ANGPT1: variants seen among roughly 807,000 people sequenced by gnomAD.
The protein encoded by ANGPT1 is angiopoietin-1.
In ANGPT1, 17 loss-of-function variants were observed where a neutral mutation model predicts 62.2. That is an observed-to-expected ratio of 0.27 (90% CI 0.19 to 0.41). The LOEUF is 0.41. Among genes scored for constraint, ANGPT1 ranks in the 10% least tolerant of loss-of-function variants. The pLI, the probability that ANGPT1 is intolerant of heterozygous loss-of-function variation, is 1.00. For synonymous variants in ANGPT1, 199 were observed against 198.9 expected (o/e 1.00, Z 0.00); for missense variants, 478 against 594.9 (o/e 0.80, Z 2.04).
intron 1 of ANGPT1, among the ~76,000 whole-genome samples, chr8:107,486,870 TCAA>T (rs1380748079): frequency 1.3e-5 from 2 of 152,336 alleles, no homozygotes; most frequent in East Asian, 3.9e-4. Flanking sequence ...TTTAGGCTTC[TCAA>T]CAACAGGGGT....
intron 4 of ANGPT1, among the ~76,000 whole-genome samples, chr8:107,310,951 ATGTATGTGTGTG>A (rs981396852): frequency 6.2e-5 from 6 of 96,746 alleles, no homozygotes; most frequent in African/African-American, 1.9e-4. Context: ...GTGTGTGTGT[ATGTATGTGTGTG>A]TGTATGAGTG....
chr8:107,477,761 T>A (rs1812569163), intron 1 of ANGPT1, among the ~76,000 whole-genome samples: 1 of 152,152 alleles, frequency 6.6e-6, no homozygotes, highest in South Asian at 2.1e-4. Context: ...TCTGTTCATC[T>A]CAAACAAAAT....
chr8:107,469,754 A>C lies in ANGPT1; in HGVS notation c.297+27508T>G, dbSNP rs58612484. Among the ~76,000 whole-genome samples, 1,104 of 152,166 alleles carry C rather than the reference A, an allele frequency of 7.3e-3. 20 individuals are homozygous for C. Among genetic ancestry groups the C allele is most frequent in the African/African-American group, 0.025 (1,054 of 41,552 alleles). On this transcript the variant is annotated intron_variant, in intron 1 of 8. Transcript: ENST00000517746. ...TTATGCAATTTTATCACTGCAATAC[A>C]TGCTTTTTTTGTAAAGTTAAGCTAG...
intron 1 of ANGPT1, 57 bp from the exon 2 acceptor site, chr8:107,347,154 G>A: frequency 6.6e-7 from 1 of 1,523,064 alleles, no homozygotes; most frequent in Non-Finnish European, 8.9e-7. Flanking sequence ...CCCAGTTCGG[G>A]CATGTAATAT....
rs141456622 is a variant in ANGPT1, at chr8:107,352,477, G to T, written c.298-5380C>A. 1.3e-4 allele frequency among the ~76,000 whole-genome samples: 20 copies of T among 152,284 alleles called. 1 individual carries two copies. The highest frequency in any genetic ancestry group is 2.5e-4 in the Non-Finnish European group (17 of 68,022). ...CTGATGCTATCATTCTCCATCATGA[G>T]AGAGAATTTTGGGAGAGCTTTTACT... On this transcript the variant is annotated intron_variant, in intron 1 of 8. Transcript: ENST00000517746.
At chr8:107,306,781 C>T (rs2129993315) in intron 4 of ANGPT1, among the ~76,000 whole-genome samples, 1 of 152,090 alleles carries the variant, frequency 6.6e-6, no homozygotes, top group Non-Finnish European at 1.5e-5. Context: ...AGCAGTGGCT[C>T]ACCCTGTAAT....
At chr8:107,456,194 G>T (rs377655794) in intron 1 of ANGPT1, among the ~76,000 whole-genome samples, 1 of 152,064 alleles carries the variant, frequency 6.6e-6, no homozygotes, top group South Asian at 2.1e-4. Context: ...TTTGGTCAAC[G>T]TTAAAACAGA....
intron 8 of ANGPT1, among the ~76,000 whole-genome samples, chr8:107,252,898 G>C (rs1279786665): frequency 1.3e-5 from 2 of 152,060 alleles, no homozygotes; most frequent in Admixed American, 6.6e-5. Flanking sequence ...GAGACATTCT[G>C]GCATATTTTT....
chr8:107,374,118 C>T (rs1363711848), intron 1 of ANGPT1, among the ~76,000 whole-genome samples: 10 of 152,082 alleles, frequency 6.6e-5, no homozygotes. Context: ...CTTGCAAAAC[C>T]CTTTCCATTT....
rs73700066 is a variant in ANGPT1, at chr8:107,251,410, A to G, written c.*445T>C. ...GTTAGTAGGTTTGCATAGATATAACACCTTTTCACTGGTATAATACATCTT... is the reference window on the plus strand; with the variant it reads ...GTTAGTAGGTTTGCATAGATATAACGCCTTTTCACTGGTATAATACATCTT... On this transcript the variant is annotated 3_prime_UTR_variant, in exon 9 of 9. Coordinates refer to ENST00000517746, the MANE Select transcript of ANGPT1 (RefSeq NM_001146.5). 2,383 of 159,488 alleles carry G rather than the reference A, an allele frequency of 0.015. 56 individuals carry two copies. The highest frequency in any genetic ancestry group is 0.054 in the African/African-American group (2,240 of 41,566). The allele number at this position is 159,488 out of a possible 1,614,324, so 9.9% of individuals were successfully genotyped here. A position where few individuals can be genotyped will look rare whatever the true frequency, so the allele number is the denominator to read the frequency against.
intron 1 of ANGPT1, among the ~76,000 whole-genome samples, chr8:107,475,394 T>A (rs183044141): frequency 1.8e-3 from 273 of 152,296 alleles, no homozygotes; most frequent in Non-Finnish European, 2.2e-3. Context: ...TGTAGAAAGC[T>A]GAAACAGGAC....
chr8:107,392,335 C>T (rs557335024), intron 1 of ANGPT1, among the ~76,000 whole-genome samples: 2 of 152,094 alleles, frequency 1.3e-5, no homozygotes, highest in Admixed American at 1.3e-4. Context: ...ATGTCTTTTC[C>T]CATATGCTCA....
intron 8 of ANGPT1, 30 bp downstream of exon 8, chr8:107,264,191 T>C (rs1813560680): frequency 5.0e-6 from 8 of 1,598,146 alleles, no homozygotes; most frequent in Admixed American, 1.8e-5. Context: ...CAATGAAACA[T>C]AGCTTAGAGA....
chr8:107,346,429 T>C (rs528625172), intron 2 of ANGPT1, among the ~76,000 whole-genome samples: 1 of 152,338 alleles, frequency 6.6e-6, no homozygotes, highest in African/African-American at 2.4e-5. Context: ...TAGTTTTTAC[T>C]CGTTGGTACT....
intron 1 of ANGPT1, among the ~76,000 whole-genome samples, chr8:107,419,433 C>A (rs1369282159): frequency 6.6e-6 from 1 of 152,050 alleles, no homozygotes; most frequent in African/African-American, 2.4e-5. Context: ...TTTGCTAGGT[C>A]CCCCCAGTTT....
At chr8:107,413,426 A>T (rs1810644903) in intron 1 of ANGPT1, among the ~76,000 whole-genome samples, 4 of 152,096 alleles carry the variant, frequency 2.6e-5, no homozygotes, top group Admixed American at 2.6e-4. Context: ...TGGAGGTATG[A>T]GGGAATACTG....
intron 1 of ANGPT1, among the ~76,000 whole-genome samples, chr8:107,369,170 T>C (rs1393483663): frequency 6.6e-6 from 1 of 152,164 alleles, no homozygotes; most frequent in Non-Finnish European, 1.5e-5. Flanking sequence ...CTTGATGCAG[T>C]TTCTACATCG....
intron 5 of ANGPT1, among the ~76,000 whole-genome samples, chr8:107,302,788 G>A (rs1166087546): frequency 6.6e-6 from 1 of 151,916 alleles, no homozygotes; most frequent in African/African-American, 2.4e-5. Flanking sequence ...AAGTAAGATA[G>A]GAAATGTTTC....
chr8:107,293,200 A>G (rs1464660607), intron 6 of ANGPT1, among the ~76,000 whole-genome samples: 1 of 26,590 alleles, frequency 3.8e-5, no homozygotes, highest in Non-Finnish European at 6.8e-5. Flanking sequence ...AAGAACTGTG[A>G]TGATGATGAT....
Sources: gnomAD v4.1 joint callset for allele counts (sites outside exome capture counted in the v4.1 genomes callset) on GRCh38, gnomAD v4.1.1 for gene constraint, MANE v1.5 for transcripts, NCBI Gene and HGNC (gene_info 2026-07-23, HGNC 2026-07-21) for gene names.